Variants in SCCPDH observed in about 807,000 individuals in gnomAD.
SCCPDH encodes saccharopine dehydrogenase-like oxidoreductase.
Under a neutral mutation model 51.5 loss-of-function variants are expected in SCCPDH, and 34 were observed. The ratio of observed to expected loss-of-function variants is 0.66; its 90% CI spans 0.50 to 0.88. The LOEUF is 0.88. Among genes scored for constraint, SCCPDH ranks in the 40% least tolerant of loss-of-function variants. The probability of loss-of-function intolerance (pLI) is 0.00; values close to 1 mark genes in which losing one functional copy is unlikely to be tolerated. For missense variants in SCCPDH, 464 were observed against 527.1 expected (o/e 0.88, Z 1.17); for synonymous variants, 187 against 191.3 (o/e 0.98, Z 0.19).
intron 5 of SCCPDH, among the ~76,000 whole-genome samples, chr1:246,756,790 G>C (rs1233093479): frequency 6.6e-6 from 1 of 152,178 alleles, no homozygotes; most frequent in Non-Finnish European, 1.5e-5. Flanking sequence ...AGGAAAACCT[G>C]AATCTTTGGA....
intron 4 of SCCPDH, 43 bp downstream of exon 4, chr1:246,740,344 G>T: frequency 6.7e-7 from 1 of 1,483,462 alleles, no homozygotes; most frequent in South Asian, 1.4e-5. Context: ...TAACAGTACC[G>T]TGCAAAGGCT....
Position 246,758,334 on chromosome 1 carries a change from A to G in SCCPDH, c.673A>G (p.Ile225Val), listed in dbSNP as rs955769617. The change falls in exon 6 of 12, where the codon ATT (isoleucine) becomes GTT (valine). Residue 225 changes from isoleucine to valine, a missense_variant. Ile to Val is a conservative substitution (Grantham distance 29). Coordinates refer to ENST00000366510, the MANE Select transcript of SCCPDH (RefSeq NM_016002.3). ...ATCAAATCTGAAACCTGTCCCGCTC[A>G]TTGGTCCAAAATTGAAGAGAAGGTA... ...NVSNLKPVPL[I>V]GPKLKRRWPI... 2 of 1,605,808 alleles carry G rather than the reference A, an allele frequency of 1.2e-6. No individual in the cohort carries two copies. The highest frequency in any genetic ancestry group is 1.7e-6 in the Non-Finnish European group (2 of 1,176,788).
At chr1:246,739,876 T>C (rs1162374409) in intron 3 of SCCPDH, among the ~76,000 whole-genome samples, 1 of 152,052 alleles carries the variant, frequency 6.6e-6, no homozygotes, top group Admixed American at 6.6e-5. Flanking sequence ...TTTTTTGCTT[T>C]CTATTTTTTA....
intron 5 of SCCPDH, among the ~76,000 whole-genome samples, chr1:246,752,801 G>GCC (rs1187734883): frequency 6.6e-6 from 1 of 151,954 alleles, no homozygotes; most frequent in Admixed American, 6.6e-5. Context: ...TCTCTGATAA[G>GCC]TTTGTTCCTG....
intron 5 of SCCPDH, among the ~76,000 whole-genome samples, chr1:246,747,316 C>T (rs149651383): frequency 2.5e-4 from 38 of 152,306 alleles, no homozygotes; most frequent in African/African-American, 9.1e-4. Context: ...AGTCATTTTG[C>T]TCATTCTTAA....
chr1:246,752,187 G>C (rs1473195516), intron 5 of SCCPDH, among the ~76,000 whole-genome samples: 1 of 152,068 alleles, frequency 6.6e-6, no homozygotes, highest in African/African-American at 2.4e-5. Context: ...TAGAAGTTAG[G>C]ATCATACATG....
chr1:246,740,413 T>C, intron 4 of SCCPDH, 112 bp downstream of exon 4: 1 of 872,106 alleles, frequency 1.1e-6, no homozygotes, highest in Non-Finnish European at 1.7e-6. Flanking sequence ...TAGCCATAAA[T>C]GGGTAATATT....
At chr1:246,731,499 A>G (rs1414780508) in intron 2 of SCCPDH, among the ~76,000 whole-genome samples, 1 of 152,236 alleles carries the variant, frequency 6.6e-6, no homozygotes, top group Non-Finnish European at 1.5e-5. Flanking sequence ...CAGAGCCTGG[A>G]GGAGCTGGGA....
intron 2 of SCCPDH, among the ~76,000 whole-genome samples, chr1:246,730,394 C>T (rs1377515368): frequency 2.6e-5 from 4 of 152,210 alleles, no homozygotes; most frequent in Non-Finnish European, 5.9e-5. Flanking sequence ...GCGTCTTTGT[C>T]CTCCCCACTC....
chr1:246,749,944 A>G (rs956858913), intron 5 of SCCPDH, among the ~76,000 whole-genome samples: 1 of 152,204 alleles, frequency 6.6e-6, no homozygotes, highest in Admixed American at 6.5e-5. Context: ...TACACTAGTA[A>G]AGAGAGGACT....
intron 2 of SCCPDH, among the ~76,000 whole-genome samples, chr1:246,735,193 A>G (rs1233110467): frequency 6.6e-6 from 1 of 152,156 alleles, no homozygotes; most frequent in Non-Finnish European, 1.5e-5. Context: ...TAAAGTTGAA[A>G]CTTGTTAGCA....
intron 2 of SCCPDH, among the ~76,000 whole-genome samples, chr1:246,729,221 C>G (rs1038404419): frequency 3.3e-5 from 5 of 152,212 alleles, no homozygotes; most frequent in African/African-American, 1.2e-4. Context: ...TGGGCACGCA[C>G]TGTCATTGAT....
intron 3 of SCCPDH, among the ~76,000 whole-genome samples, chr1:246,739,042 A>AGT (rs201653622): frequency 3.3e-5 from 5 of 151,500 alleles, no homozygotes; most frequent in Non-Finnish European, 5.9e-5. Flanking sequence ...TGCATGAGCA[A>AGT]GTGTGTGTGT....
chr1:246,763,146 C>T (rs938037747), intron 9 of SCCPDH, among the ~76,000 whole-genome samples: 1 of 152,142 alleles, frequency 6.6e-6, no homozygotes, highest in Non-Finnish European at 1.5e-5. Flanking sequence ...GTTTTGGTAC[C>T]CACCCCTGGA....
chr1:246,742,836 T>C (rs1282032007), intron 4 of SCCPDH, among the ~76,000 whole-genome samples: 1 of 152,238 alleles, frequency 6.6e-6, no homozygotes, highest in African/African-American at 2.4e-5. Context: ...TCAATGTTCT[T>C]GAGAAACTCA....
chr1:246,749,259 G>T (rs1450652344), intron 5 of SCCPDH, among the ~76,000 whole-genome samples: 1 of 152,208 alleles, frequency 6.6e-6, no homozygotes, highest in Non-Finnish European at 1.5e-5. Context: ...TGTTTAGCGT[G>T]CAAACAGAAT....
At chr1:246,725,796 A>T (rs1386674129) in intron 1 of SCCPDH, among the ~76,000 whole-genome samples, 1 of 152,160 alleles carries the variant, frequency 6.6e-6, no homozygotes, top group Non-Finnish European at 1.5e-5. Flanking sequence ...TATCATATAT[A>T]ATGCCCAAAT....
Position 246,760,094 on chromosome 1 carries a change from A to C in SCCPDH, c.933+18A>C. 6.2e-7 allele frequency: 1 copy of C among 1,601,400 alleles called. No individual in the cohort carries two copies. The highest frequency in any genetic ancestry group is 8.5e-7 in the Non-Finnish European group (1 of 1,174,926). On this transcript the variant is annotated intron_variant, in intron 8 of 11. Transcript: ENST00000366510. Reference sequence around the variant, plus strand: ...TCATAAAAGTAAGTAAGATTTTATGAAATTAGATTATTTTTATTAGAAGTA... The same window carrying C: ...TCATAAAAGTAAGTAAGATTTTATGCAATTAGATTATTTTTATTAGAAGTA...
chr1:246,764,433 A>G (rs184190045), intron 10 of SCCPDH, 76 bp downstream of exon 10: 1 of 711,612 alleles, frequency 1.4e-6, no homozygotes, highest in East Asian at 2.7e-5. Flanking sequence ...ATTACAATAT[A>G]TTCTTTTTAA....
Sources: gnomAD v4.1 joint callset for allele counts (sites outside exome capture counted in the v4.1 genomes callset) on GRCh38, gnomAD v4.1.1 for gene constraint, MANE v1.5 for transcripts, NCBI Gene and HGNC (gene_info 2026-07-23, HGNC 2026-07-21) for gene names.